ICA1: variants seen among roughly 807,000 people sequenced by gnomAD.
The protein encoded by ICA1 is 69 kDa islet cell autoantigen.
A neutral mutation model predicts 71.0 loss-of-function variants in ICA1; 40 were observed. The ratio of observed to expected loss-of-function variants is 0.56; its 90% CI spans 0.44 to 0.73. The LOEUF is 0.73. ICA1 is among the 30% of genes least tolerant of loss of function. ICA1 has a pLI of 0.00. For missense variants in ICA1, 578 were observed against 576.5 expected (o/e 1.00, Z -0.03); for synonymous variants, 207 against 209.5 (o/e 0.99, Z 0.10).
At chr7:8,172,654 CAT>C (rs965552469) in intron 6 of ICA1, among the ~76,000 whole-genome samples, 14 of 152,160 alleles carry the variant, frequency 9.2e-5, no homozygotes, top group African/African-American at 1.7e-4. Context: ...GAAATAATCA[CAT>C]GTTTTTTCTA....
chr7:8,206,348 A>G (rs1791530414), intron 6 of ICA1, among the ~76,000 whole-genome samples: 1 of 151,920 alleles, frequency 6.6e-6, no homozygotes, highest in Non-Finnish European at 1.5e-5. Flanking sequence ...AACCTCCTCC[A>G]TCCAGCTGCC....
At chr7:8,240,585 T>A (rs900355148) in intron 1 of ICA1, among the ~76,000 whole-genome samples, 1 of 152,136 alleles carries the variant, frequency 6.6e-6, no homozygotes, top group Non-Finnish European at 1.5e-5. Flanking sequence ...AGAAGTAGGC[T>A]TCAGAAGGTT....
intron 6 of ICA1, among the ~76,000 whole-genome samples, chr7:8,179,953 T>C (rs997635720): frequency 1.2e-4 from 18 of 152,160 alleles, no homozygotes; most frequent in Non-Finnish European, 2.9e-5. Flanking sequence ...CTTTTTTTCA[T>C]GTAAGCTCTA....
At chr7:8,246,864 A>G (rs1806216164) in intron 1 of ICA1, among the ~76,000 whole-genome samples, 1 of 152,178 alleles carries the variant, frequency 6.6e-6, no homozygotes, top group Non-Finnish European at 1.5e-5. Context: ...CTCTTGCCTC[A>G]GCCTCCCGAG....
rs1182442744 is a variant in ICA1, at chr7:8,226,749, C to T, written c.256+1852G>A. Among the ~76,000 whole-genome samples, 1 of 152,212 alleles carries T rather than the reference C, an allele frequency of 6.6e-6. No individual in the cohort carries two copies. Among genetic ancestry groups the T allele is most frequent in the Non-Finnish European group, 1.5e-5 (1 of 68,044 alleles). The stretch of plus-strand genomic sequence containing the variant: ...AAAGGGCTTATCTACCATCCACAGC[C>T]AGCTCTGCTGGCACAACCAGGTGAC... On this transcript the variant is annotated intron_variant, in intron 4 of 13. Transcript: ENST00000402384. The surrounding 1 kb of genome is among the most constrained non-coding windows in gnomAD (Gnocchi z 4.4).
In ICA1 at chr7:8,173,941, T is replaced by C. The variant is rs1228876495; in HGVS notation, c.580-15289A>G. ...CAATAAATAACAAAAGTAAACATAT[T>C]GTCTGTTGGTGAAAATAAAGCATTG... On this transcript the variant is annotated intron_variant, in intron 6 of 13. Coordinates refer to ENST00000402384, the MANE Select transcript of ICA1 (RefSeq NM_001136020.3). This position sits in a 1 kb window ranked among gnomAD's most constrained non-coding sequence, Gnocchi z 4.0. Among the ~76,000 whole-genome samples the C allele has an allele frequency of 6.6e-6, 1 of 152,176 alleles. No individual in the cohort carries two copies. Among genetic ancestry groups the C allele is most frequent in the African/African-American group, 2.4e-5 (1 of 41,454 alleles).
rs1015488169 is a variant in ICA1 at position 8,223,960 on chromosome 7, C to G, written c.257-2562G>C. Among the ~76,000 whole-genome samples, 1 of 152,138 alleles carries G rather than the reference C, an allele frequency of 6.6e-6. No homozygotes were observed. Among genetic ancestry groups the G allele is most frequent in the Non-Finnish European group, 1.5e-5 (1 of 68,040 alleles). ...ATTAGCTGGACAGCATTAACTCACT[C>G]AGCACAGATTTATGGATGATCCAAC... On this transcript the variant is annotated intron_variant, in intron 4 of 13. Coordinates refer to ENST00000402384, the MANE Select transcript of ICA1 (RefSeq NM_001136020.3). The surrounding 1 kb of genome is among the most constrained non-coding windows in gnomAD (Gnocchi z 4.1).
At chr7:8,175,051 T>C (rs1180258373) in intron 6 of ICA1, among the ~76,000 whole-genome samples, 1 of 152,014 alleles carries the variant, frequency 6.6e-6, no homozygotes, top group Non-Finnish European at 1.5e-5. Context: ...GAAAGGATCA[T>C]CTCATGTGCT....
chr7:8,161,074 C>T (rs941845795), intron 6 of ICA1, among the ~76,000 whole-genome samples: 8 of 152,128 alleles, frequency 5.3e-5, no homozygotes, highest in South Asian at 4.1e-4. Context: ...AGAAAATACA[C>T]GTGGGAGTCG....
intron 13 of ICA1, among the ~76,000 whole-genome samples, chr7:8,121,279 T>TCCAG (rs971865483): frequency 6.6e-6 from 1 of 152,096 alleles, no homozygotes; most frequent in Non-Finnish European, 1.5e-5. Context: ...TTGCCTGCCA[T>TCCAG]CCAGCCAGCC....
intron 6 of ICA1, among the ~76,000 whole-genome samples, chr7:8,178,724 C>T (rs182741132): frequency 1.3e-5 from 2 of 152,268 alleles, no homozygotes; most frequent in African/African-American, 4.8e-5. Context: ...CATTTATTTG[C>T]TCCTTCCTGC....
chr7:8,131,025 T>C (rs1449735279), intron 12 of ICA1, among the ~76,000 whole-genome samples: 1 of 152,072 alleles, frequency 6.6e-6, no homozygotes, highest in Non-Finnish European at 1.5e-5. Context: ...GAGTCCTCCA[T>C]CCCCCAGGCA....
intron 12 of ICA1, among the ~76,000 whole-genome samples, chr7:8,133,846 CTTTTTTTTTT>C (rs57086182): frequency 8.4e-6 from 1 of 118,892 alleles, no homozygotes; most frequent in Non-Finnish European, 1.7e-5. Flanking sequence ...AAAAATCATA[CTTTTTTTTTT>C]TTTTTTTTTT....
At chr7:8,161,339 G>A (rs1302284961) in intron 6 of ICA1, among the ~76,000 whole-genome samples, 1 of 152,190 alleles carries the variant, frequency 6.6e-6, no homozygotes, top group African/African-American at 2.4e-5. Flanking sequence ...CAGAGAGACA[G>A]CACAGACAAG....
At chr7:8,197,472 G>A (rs1788053022) in intron 6 of ICA1, among the ~76,000 whole-genome samples, 1 of 149,030 alleles carries the variant, frequency 6.7e-6, no homozygotes, top group African/African-American at 2.5e-5. Context: ...AGACTCACTT[G>A]AACCCGGGAG....
At chr7:8,212,829 T>A (rs1794246057) in intron 6 of ICA1, among the ~76,000 whole-genome samples, 1 of 152,210 alleles carries the variant, frequency 6.6e-6, no homozygotes, top group Non-Finnish European at 1.5e-5. Context: ...TTATTTTAAA[T>A]GGTCTTGGCT....
At chr7:8,228,745 A>G (rs1316779371) in intron 3 of ICA1, 72 bp from the exon 4 acceptor site, 2 of 1,004,992 alleles carry the variant, frequency 2.0e-6, no homozygotes, top group Admixed American at 4.5e-5. Flanking sequence ...TACATTGAAC[A>G]CAACCAGAGT....
chr7:8,239,915 C>T (rs1273221925), intron 1 of ICA1, among the ~76,000 whole-genome samples: 1 of 152,216 alleles, frequency 6.6e-6, no homozygotes, highest in Non-Finnish European at 1.5e-5. Context: ...CTGGGCGGAA[C>T]CCACTGCAGC....
intron 8 of ICA1, among the ~76,000 whole-genome samples, chr7:8,152,159 A>C (rs1053163022): frequency 1.3e-5 from 2 of 152,048 alleles, no homozygotes; most frequent in African/African-American, 4.8e-5. Flanking sequence ...GAGCTGCCAG[A>C]GTGTCTGTGA....
Sources: allele counts gnomAD v4.1 joint callset (sites outside exome capture counted in the v4.1 genomes callset), GRCh38; gene constraint gnomAD v4.1.1; non-coding constraint Gnocchi (gnomAD v3.1); transcripts MANE v1.5; gene names NCBI Gene and HGNC (gene_info 2026-07-23, HGNC 2026-07-21).